PHACTR3: variants seen among roughly 807,000 people sequenced by gnomAD.
PHACTR3 encodes phosphatase and actin regulator 3.
A neutral mutation model predicts 66.8 loss-of-function variants in PHACTR3; 16 were observed. The observed-to-expected ratio is 0.24, with a 90% CI of 0.16 to 0.36. PHACTR3 has a LOEUF of 0.36. Among genes scored for constraint, PHACTR3 ranks in the 10% least tolerant of loss-of-function variants. The pLI is 1.00. For missense variants in PHACTR3, 647 were observed against 719.9 expected (o/e 0.90, Z 1.16); for synonymous variants, 323 against 292.1 (o/e 1.11, Z -1.08).
At chr20:59,631,520 C>T (rs931207441) in intron 1 of PHACTR3, among the ~76,000 whole-genome samples, 1 of 151,904 alleles carries the variant, frequency 6.6e-6, no homozygotes, top group Admixed American at 6.6e-5. Flanking sequence ...TTTACAGGGG[C>T]CTTGACAGAG....
chr20:59,663,921 A>T (rs2035901902), intron 1 of PHACTR3, among the ~76,000 whole-genome samples: 2 of 152,212 alleles, frequency 1.3e-5, no homozygotes, highest in African/African-American at 4.8e-5. Flanking sequence ...TAACGATTAT[A>T]TTGTATATTC....
At chr20:59,812,813 C>T (rs148599137) in intron 8 of PHACTR3, among the ~76,000 whole-genome samples, 64 of 152,274 alleles carry the variant, frequency 4.2e-4, no homozygotes, top group African/African-American at 1.2e-3. Context: ...TCTGCCGTGA[C>T]GCTGGGCAGG....
intron 1 of PHACTR3, among the ~76,000 whole-genome samples, chr20:59,714,184 TA>T (rs1488839892): frequency 6.6e-6 from 1 of 152,200 alleles, no homozygotes; most frequent in Non-Finnish European, 1.5e-5. Flanking sequence ...TTCACTTAAT[TA>T]TATATTTTCA....
chr20:59,846,707 G>GTA (rs1297362775), intron 12 of PHACTR3, among the ~76,000 whole-genome samples: 47 of 152,064 alleles, frequency 3.1e-4, no homozygotes, highest in Admixed American at 3.1e-3. Context: ...AGTCAGAACG[G>GTA]TATTTTTGGT....
chr20:59,626,088 T>C (rs546613447), intron 1 of PHACTR3, among the ~76,000 whole-genome samples: 1 of 152,292 alleles, frequency 6.6e-6, no homozygotes, highest in South Asian at 2.1e-4. Flanking sequence ...TTTGCAATCC[T>C]CTGCAGGGAA....
chr20:59,693,880 A>G (rs1288288503), intron 1 of PHACTR3, among the ~76,000 whole-genome samples: 1 of 152,202 alleles, frequency 6.6e-6, no homozygotes, highest in African/African-American at 2.4e-5. Flanking sequence ...AAGCCCCGTT[A>G]GTCCTAGGCT....
chr20:59,768,746 T>A (rs1473250407), intron 5 of PHACTR3, among the ~76,000 whole-genome samples: 1 of 152,262 alleles, frequency 6.6e-6, no homozygotes, highest in African/African-American at 2.4e-5. Flanking sequence ...ATGTTCAATC[T>A]GGAGGGGACT....
At chr20:59,767,090 C>A in intron 4 of PHACTR3, 96 bp from the exon 5 acceptor site, 1 of 1,260,036 alleles carries the variant, frequency 7.9e-7, no homozygotes, top group Non-Finnish European at 1.1e-6. Flanking sequence ...ATGCTCTTCA[C>A]GATCCCATCC....
At chr20:59,629,172 G>A (rs1052582981) in intron 1 of PHACTR3, among the ~76,000 whole-genome samples, 9 of 152,344 alleles carry the variant, frequency 5.9e-5, no homozygotes, top group Non-Finnish European at 1.3e-4. Flanking sequence ...CATGGGCGAC[G>A]TGTGTGGATG....
chr20:59,679,721 C>A (rs553805818), intron 1 of PHACTR3, among the ~76,000 whole-genome samples: 22 of 152,252 alleles, frequency 1.4e-4, no homozygotes, highest in Non-Finnish European at 3.1e-4. Flanking sequence ...AGGTGAAAGG[C>A]ATGTCTTACG....
At chr20:59,685,788 G>T (rs1032341935) in intron 1 of PHACTR3, among the ~76,000 whole-genome samples, 1 of 152,212 alleles carries the variant, frequency 6.6e-6, no homozygotes, top group African/African-American at 2.4e-5. Flanking sequence ...TCCTTTTAGA[G>T]TGGCTTCCCC....
At chr20:59,737,040 C>T (rs2038968697) in intron 1 of PHACTR3, among the ~76,000 whole-genome samples, 1 of 152,152 alleles carries the variant, frequency 6.6e-6, no homozygotes. Context: ...GAGCTGAAGA[C>T]CCTCTAGTGG....
At chr20:59,838,599 T>G (rs1278351440) in intron 9 of PHACTR3, among the ~76,000 whole-genome samples, 1 of 152,228 alleles carries the variant, frequency 6.6e-6, no homozygotes, top group Non-Finnish European at 1.5e-5. Context: ...AGGTTTGCAC[T>G]TTTTAATAAA....
At chr20:59,841,944 A>G (rs2059071754) in intron 11 of PHACTR3, among the ~76,000 whole-genome samples, 1 of 152,192 alleles carries the variant, frequency 6.6e-6, no homozygotes, top group South Asian at 2.1e-4. Flanking sequence ...GGCTGCCATA[A>G]GAGATCAACT....
chr20:59,846,774 T>C (rs1258213793), intron 12 of PHACTR3, among the ~76,000 whole-genome samples: 5 of 152,188 alleles, frequency 3.3e-5, no homozygotes, highest in Non-Finnish European at 7.4e-5. Context: ...CAAAAAGTCA[T>C]AACTCTACTA....
chr20:59,582,570 G>A (rs142891395), intron 1 of PHACTR3, among the ~76,000 whole-genome samples: 1 of 152,320 alleles, frequency 6.6e-6, no homozygotes, highest in African/African-American at 2.4e-5. Flanking sequence ...GGAGGTACCC[G>A]TTTCTCTCGC....
chr20:59,626,750 G>C (rs1206018701), intron 1 of PHACTR3: 1 of 152,364 alleles, frequency 6.6e-6, no homozygotes, highest in Admixed American at 6.5e-5. Context: ...GATTGTGCTG[G>C]AGGATTCGAA....
At chr20:59,676,712 G>C in intron 1 of PHACTR3, 1 of 985,296 alleles carries the variant, frequency 1.0e-6, no homozygotes, top group Non-Finnish European at 1.2e-6. Flanking sequence ...GGGGAGAGCA[G>C]GGGTTCTGGG....
At chr20:59,800,138 A>G (rs531262008) in intron 7 of PHACTR3, among the ~76,000 whole-genome samples, 9 of 152,272 alleles carry the variant, frequency 5.9e-5, no homozygotes, top group Non-Finnish European at 8.8e-5. Context: ...CATTCCACTC[A>G]TGTTATAAAC....
Sources: gnomAD v4.1 joint callset for allele counts (sites outside exome capture counted in the v4.1 genomes callset) on GRCh38, gnomAD v4.1.1 for gene constraint, MANE v1.5 for transcripts, NCBI Gene and HGNC (gene_info 2026-07-23, HGNC 2026-07-21) for gene names.